LRRC39: variants seen among roughly 807,000 people sequenced by gnomAD.
The protein encoded by LRRC39 is leucine-rich repeat-containing protein 39.
In LRRC39, 35 loss-of-function variants were observed where a neutral mutation model predicts 39.7. The ratio of observed to expected loss-of-function variants is 0.88; its 90% CI spans 0.67 to 1.17. LRRC39 has a LOEUF of 1.17. Ranked by LOEUF, LRRC39 falls within the 50% of genes most tolerant of loss-of-function variation. The pLI, the probability that LRRC39 is intolerant of heterozygous loss-of-function variation, is 0.00. For missense variants in LRRC39, 357 were observed against 385.8 expected (o/e 0.93, Z 0.62); for synonymous variants, 113 against 134.1 (o/e 0.84, Z 1.09).
At chr1:100,151,345 CT>C in intron 9 of LRRC39, among the ~76,000 whole-genome samples, 1 of 152,144 alleles carries the variant, frequency 6.6e-6, no homozygotes, top group Middle Eastern at 3.4e-3. Context: ...TTTATATATT[CT>C]CTGCTTTCCA....
chr1:100,153,249 T>C (rs931303742), intron 8 of LRRC39, among the ~76,000 whole-genome samples: 5 of 152,198 alleles, frequency 3.3e-5, no homozygotes, highest in African/African-American at 4.8e-5. Flanking sequence ...GGTATTCTCT[T>C]ATTCTCATTT....
chr1:100,165,084 C>T (rs1272055677), intron 3 of LRRC39, among the ~76,000 whole-genome samples: 1 of 152,142 alleles, frequency 6.6e-6, no homozygotes, highest in Non-Finnish European at 1.5e-5. Context: ...GTAGTTTATA[C>T]TTAATTTTAA....
chr1:100,159,328 C>A lies in LRRC39; in HGVS notation c.307G>T (p.Gly103Ter). The part of the protein sequence containing the change: ...TGLLKIPEFI[G>*]RFQNLIVLDL... ...AACACAATGAGGTTCTGGAATCTTC[C>A]AATGAATTCAGGAATTTTCAGCAAA... The change falls in exon 5 of 10, where the codon GGA (glycine) becomes TGA (stop). Residue 103 changes from glycine to a stop codon, truncating the protein, a stop_gained. Transcript: ENST00000370137. LOFTEE classifies it high-confidence loss of function. 1 of 1,611,106 alleles carries A rather than the reference C, an allele frequency of 6.2e-7. No homozygotes were observed. Among genetic ancestry groups the A allele is most frequent in the Non-Finnish European group, 8.5e-7 (1 of 1,178,604 alleles).
chr1:100,169,186 G>A (rs946815743), intron 2 of LRRC39, among the ~76,000 whole-genome samples: 4 of 151,932 alleles, frequency 2.6e-5, no homozygotes, highest in African/African-American at 4.8e-5. Context: ...TAAAATAATC[G>A]TACTGATTTT....
At chr1:100,171,669 GT>G (rs747935103) in intron 2 of LRRC39, among the ~76,000 whole-genome samples, 94 of 132,968 alleles carry the variant, frequency 7.1e-4, no homozygotes, top group Middle Eastern at 3.8e-3. Flanking sequence ...TGCCTGGCTT[GT>G]TTTTTTTTTT....
chr1:100,166,048 C>G (rs1659223280), intron 3 of LRRC39, among the ~76,000 whole-genome samples: 1 of 151,712 alleles, frequency 6.6e-6, no homozygotes, highest in Admixed American at 6.6e-5. Context: ...CTGAGGATTC[C>G]CCTTTCATTT....
chr1:100,158,243 A>T lies in LRRC39; in HGVS notation c.501T>A (p.Asp167Glu), dbSNP rs1658603378. The change falls in exon 6 of 10, where the codon GAT becomes GAA. Residue 167 changes from aspartate (D) to glutamate (E), a missense_variant. By Grantham distance (45) the Asp-to-Glu change is conservative (BLOSUM62 2). Transcript: ENST00000370137. ...LELAVNRDIC[D>E]LPQELSNLLK... ...ATGTCTTTCTAACCTCTTGTGGAAG[A>T]TCACATATATCTCTGTTAACAGCCA... 6.2e-7 allele frequency: 1 copy of T among 1,613,700 alleles called. No homozygotes were observed. Among genetic ancestry groups the T allele is most frequent in the Non-Finnish European group, 8.5e-7 (1 of 1,179,920 alleles).
intron 5 of LRRC39, 152 bp from the exon 6 acceptor site, chr1:100,158,519 G>A (rs113126009): frequency 3.5e-6 from 2 of 568,344 alleles, no homozygotes; most frequent in Non-Finnish European, 5.6e-6. Flanking sequence ...CTCACTGCAA[G>A]CTCCGCCTCC....
intron 6 of LRRC39, among the ~76,000 whole-genome samples, chr1:100,157,353 T>C (rs1658538369): frequency 6.6e-6 from 1 of 152,136 alleles, no homozygotes; most frequent in South Asian, 2.1e-4. Flanking sequence ...CATTCTCTCT[T>C]CCCACCATGT....
intron 8 of LRRC39, among the ~76,000 whole-genome samples, 197 bp downstream of exon 8, chr1:100,154,854 G>T (rs1658340338): frequency 6.6e-6 from 1 of 152,158 alleles, no homozygotes; most frequent in Non-Finnish European, 1.5e-5. Flanking sequence ...TAGTTTTAAG[G>T]ATTCTTTCTT....
chr1:100,157,725 T>C (rs1226755391), intron 6 of LRRC39, among the ~76,000 whole-genome samples: 1 of 152,224 alleles, frequency 6.6e-6, no homozygotes, highest in Non-Finnish European at 1.5e-5. Context: ...CAAAGCACCA[T>C]GGAAACTTCT....
rs1657659803 is a variant in LRRC39, at chr1:100,148,989, A to G, written c.*53T>C. 1.5e-5 allele frequency: 22 copies of G among 1,432,362 alleles called. No homozygotes were observed. The highest frequency in any genetic ancestry group is 2.0e-5 in the Non-Finnish European group (21 of 1,076,388). The allele number at this position is 1,432,362 out of a possible 1,614,324, so 88.7% of individuals were successfully genotyped here. On this transcript the variant is annotated 3_prime_UTR_variant, in exon 10 of 10. Transcript: ENST00000370137. ...TTTTCTTTTTACTTCAGAAATCCAA[A>G]CATTAGAGAATTCACCAAAGTAATC... is the stretch of plus-strand genomic sequence containing the variant.
intron 3 of LRRC39, 148 bp downstream of exon 3, chr1:100,168,256 T>G: frequency 1.6e-6 from 1 of 644,694 alleles, no homozygotes; most frequent in East Asian, 2.9e-5. Context: ...TTTAATTGAG[T>G]CAGCTGTTTT....
intron 2 of LRRC39, among the ~76,000 whole-genome samples, chr1:100,168,858 A>G (rs1365495071): frequency 3.9e-5 from 6 of 152,044 alleles, no homozygotes; most frequent in Non-Finnish European, 8.8e-5. Context: ...TTCCTTTGTT[A>G]CTGTGTATTT....
At chr1:100,167,567 G>T (rs1659333252) in intron 3 of LRRC39, among the ~76,000 whole-genome samples, 1 of 152,064 alleles carries the variant, frequency 6.6e-6, no homozygotes, top group South Asian at 2.1e-4. Context: ...CTGAGGTCAG[G>T]AGTTCAAGAC....
At position 100,162,275 on chromosome 1, in the gene LRRC39, C is replaced by G. The variant is rs193074590; in HGVS notation, c.114-1704G>C. 2.2e-3 allele frequency among the ~76,000 whole-genome samples: 336 copies of G among 152,178 alleles called. 5 individuals are homozygous for G. The highest frequency in any genetic ancestry group is 7.9e-3 in the African/African-American group (327 of 41,520). On this transcript the variant is annotated intron_variant, in intron 3 of 9. Transcript: ENST00000370137. Reference sequence around the variant, plus strand: ...TTTTACATATAAAAATGTATAAAATCTTTGTCATTTGAAGCACATTCCTGT... The same window carrying G: ...TTTTACATATAAAAATGTATAAAATGTTTGTCATTTGAAGCACATTCCTGT...
chr1:100,158,334 C>T lies in LRRC39; in HGVS notation c.410G>A (p.Ser137Asn), dbSNP rs1658610581. The change falls in exon 6 of 10, where the codon AGC (serine) becomes AAC (asparagine). Residue 137 changes from serine to asparagine, a missense_variant. Ser to Asn is a conservative substitution (Grantham distance 46). Coordinates refer to ENST00000370137, the MANE Select transcript of LRRC39 (RefSeq NM_144620.4). Reference sequence around the variant, plus strand: ...GGGGACAGTCTTGATTTTGTTGTAGCTGAGAATCAGTTCCTGAAGTCTAGT... The same window carrying T: ...GGGGACAGTCTTGATTTTGTTGTAGTTGAGAATCAGTTCCTGAAGTCTAGT... ...LLTRLQELILSYNKIKTVPKE... is the reference protein window; with the variant it reads ...LLTRLQELILNYNKIKTVPKE... 6.2e-7 allele frequency: 1 copy of T among 1,613,782 alleles called. No individual in the cohort carries two copies. The highest frequency in any genetic ancestry group is 1.3e-5 in the African/African-American group (1 of 74,890).
intron 6 of LRRC39, among the ~76,000 whole-genome samples, chr1:100,157,539 G>T (rs1210902371): frequency 1.3e-5 from 2 of 152,168 alleles, no homozygotes; most frequent in African/African-American, 4.8e-5. Flanking sequence ...ACTATTAGAA[G>T]ATATAATGTA....
Position 100,160,859 on chromosome 1 carries a change from T to C in LRRC39, c.114-288A>G, listed in dbSNP as rs1411128439. Among the ~76,000 whole-genome samples, 13 of 152,056 alleles carry C rather than the reference T, an allele frequency of 8.5e-5. No individual in the cohort carries two copies. The East Asian group carries it at 1.4e-3, about 16-fold the overall frequency. On this transcript the variant is annotated intron_variant, in intron 3 of 9. Transcript: ENST00000370137. ...CAGGCTGGTCTCGAACTCCTGACCT[T>C]GTGATCCACCAGCCTCAGCCTCCCA...
Sources: gnomAD v4.1 joint callset for allele counts (sites outside exome capture counted in the v4.1 genomes callset) on GRCh38, gnomAD v4.1.1 for gene constraint, MANE v1.5 for transcripts, NCBI Gene and HGNC (gene_info 2026-07-23, HGNC 2026-07-21) for gene names.